The following CSMD1 variants were observed in gnomAD, a reference collection of about 807,000 sequenced individuals.
The protein encoded by CSMD1 is CUB and Sushi multiple domains 1.
CSMD1 carries 213 observed loss-of-function variants against 417.5 expected under a neutral mutation model. The observed-to-expected ratio is 0.51, with a 90% confidence interval of 0.46 to 0.57. The LOEUF (loss-of-function observed/expected upper bound fraction) is 0.57, where lower values mean the gene tolerates loss of function less well. Among genes scored for constraint, CSMD1 ranks in the 20% least tolerant of loss-of-function variants. The pLI is 0.00. For missense variants in CSMD1, 6,923 were observed against 4,529.7 expected (o/e 1.53, Z -15.17); for synonymous variants, 2,862 against 1,736.8 (o/e 1.65, Z -16.11).
At chr8:4,196,226 A>T (rs1376369396) in intron 3 of CSMD1, among the ~76,000 whole-genome samples, 1 of 152,120 alleles carries the variant, frequency 6.6e-6, no homozygotes, top group Non-Finnish European at 1.5e-5. Context: ...TAAATAAATA[A>T]ATAAATAATA....
intron 1 of CSMD1, among the ~76,000 whole-genome samples, chr8:4,863,545 C>T (rs995081170): frequency 6.6e-6 from 1 of 151,946 alleles, no homozygotes; most frequent in Non-Finnish European, 1.5e-5. Context: ...ATTGGTATCC[C>T]ATATTCTCAT....
chr8:4,489,695 G>C (rs765335131), intron 2 of CSMD1, among the ~76,000 whole-genome samples: 4 of 152,188 alleles, frequency 2.6e-5, no homozygotes, highest in Non-Finnish European at 5.9e-5. Context: ...TGGCAGGTGA[G>C]ATTGCAGCAC....
intron 1 of CSMD1, among the ~76,000 whole-genome samples, chr8:4,802,352 CGTGTGTGTGT>C (rs34030430): frequency 4.1e-5 from 6 of 146,408 alleles, no homozygotes; most frequent in African/African-American, 1.5e-4. Flanking sequence ...TGTGTGCGCG[CGTGTGTGTGT>C]GTGTGTGTGT....
intron 7 of CSMD1, among the ~76,000 whole-genome samples, chr8:3,688,373 G>A (rs1001727688): frequency 3.3e-5 from 5 of 152,138 alleles, no homozygotes; most frequent in African/African-American, 1.2e-4. Context: ...TATTTATAAA[G>A]GAGGAATTGA....
At chr8:4,766,765 G>T (rs755034521) in intron 1 of CSMD1, among the ~76,000 whole-genome samples, 2 of 152,110 alleles carry the variant, frequency 1.3e-5, no homozygotes, top group Non-Finnish European at 2.9e-5. Flanking sequence ...GATTTATGAA[G>T]GTTTGTACGC....
chr8:3,559,213 T>G (rs977134889), intron 10 of CSMD1, among the ~76,000 whole-genome samples: 1 of 152,224 alleles, frequency 6.6e-6, no homozygotes, highest in African/African-American at 2.4e-5. Flanking sequence ...TATCAATATT[T>G]CAAATGTGCA....
In CSMD1 at chr8:2,955,602, C is replaced by A. The variant is rs147768119; in HGVS notation, c.9981G>T (p.Ser3327=). The change falls in exon 64 of 70, where the codon TCG becomes TCT. Residue 3327 remains serine, a synonymous_variant. Transcript: ENST00000635120. ...TCAATGACTTACTTTTACACACAGG[C>A]GACTTTCCTGTCCATTTCATGTCTG... The part of the protein sequence containing the change: ...CKADMKWTGK[S]PVCKSKGVRE... 2 of 1,613,520 alleles carry A rather than the reference C, an allele frequency of 1.2e-6. No homozygotes were observed. The highest frequency in any genetic ancestry group is 1.7e-6 in the Non-Finnish European group (2 of 1,179,638).
At chr8:4,180,150 C>G (rs1181394831) in intron 3 of CSMD1, among the ~76,000 whole-genome samples, 3 of 152,086 alleles carry the variant, frequency 2.0e-5, no homozygotes, top group African/African-American at 4.8e-5. Flanking sequence ...CGGCACTATT[C>G]ACGACAGCAA....
intron 4 of CSMD1, among the ~76,000 whole-genome samples, chr8:4,007,684 T>TC (rs145035987): frequency 0.081 from 12,315 of 152,218 alleles, 576 homozygotes; most frequent in Middle Eastern, 0.13. Flanking sequence ...TCCTCTTTTT[T>TC]TTTTTCATGC....
rs549937824 is a variant in CSMD1 at position 4,240,050 on chromosome 8, T to C, written c.415+179903A>G. ...CACATATTTCTTGACAAGAAAATCA[T>C]GCATTTTTATTACTCAATTAAGCTT... On this transcript the variant is annotated intron_variant, in intron 3 of 69. Coordinates refer to ENST00000635120, the MANE Select transcript of CSMD1 (RefSeq NM_033225.6). 1.7e-3 allele frequency among the ~76,000 whole-genome samples: 263 copies of C among 152,334 alleles called. 4 individuals are homozygous for C. Among genetic ancestry groups the C allele is most frequent in the Admixed American group, 0.017 (253 of 15,304 alleles).
chr8:4,745,672 T>A (rs896423111), intron 1 of CSMD1, among the ~76,000 whole-genome samples: 1 of 152,106 alleles, frequency 6.6e-6, no homozygotes, highest in Non-Finnish European at 1.5e-5. Context: ...AAAACACAGA[T>A]TTTAAGCTTT....
At position 3,153,097 on chromosome 8, in the gene CSMD1, T is replaced by A. The variant is rs574219664; in HGVS notation, c.5915-1584A>T. Among the ~76,000 whole-genome samples the A allele has an allele frequency of 2.0e-5, 3 of 152,216 alleles. No homozygotes were observed. The South Asian group carries it at 6.2e-4, about 32-fold the overall frequency. ...GTCAGTACAAAATACAGGTCACAAA[T>A]ACCTTGCTGACAAAACAGGCTGCAG... On this transcript the variant is annotated intron_variant, in intron 39 of 69. Coordinates refer to ENST00000635120, the MANE Select transcript of CSMD1 (RefSeq NM_033225.6).
At chr8:4,294,467 T>C (rs767321864) in intron 3 of CSMD1, among the ~76,000 whole-genome samples, 4 of 152,142 alleles carry the variant, frequency 2.6e-5, no homozygotes, top group Non-Finnish European at 4.4e-5. Flanking sequence ...ATGATCTAAA[T>C]CACTGATCTC....
At chr8:3,757,813 C>T (rs1240225007) in intron 5 of CSMD1, among the ~76,000 whole-genome samples, 7 of 151,858 alleles carry the variant, frequency 4.6e-5, no homozygotes, top group African/African-American at 7.3e-5. Flanking sequence ...CACACCATCA[C>T]ACTCCAGCCT....
chr8:3,156,107 T>A (rs1205529332), intron 39 of CSMD1, among the ~76,000 whole-genome samples: 1 of 152,218 alleles, frequency 6.6e-6, no homozygotes, highest in Non-Finnish European at 1.5e-5. Context: ...AGAATGTGAA[T>A]AGCTCCCAGG....
chr8:4,917,430 C>A (rs976514246), intron 1 of CSMD1, among the ~76,000 whole-genome samples: 1 of 152,076 alleles, frequency 6.6e-6, no homozygotes, highest in Admixed American at 6.6e-5. Flanking sequence ...GTCAGGAGAT[C>A]GAGACCACCC....
At chr8:4,032,125 A>G (rs770895688) in intron 3 of CSMD1, 26 bp from the exon 4 acceptor site, 1 of 1,558,744 alleles carries the variant, frequency 6.4e-7, no homozygotes, top group Admixed American at 1.8e-5. Flanking sequence ...AAGAAAGGAG[A>G]AAAAACAAGT....
chr8:3,565,216 A>ATAGATAGATAGATAGATAGATG (rs1563159005), intron 10 of CSMD1, among the ~76,000 whole-genome samples: 1 of 138,686 alleles, frequency 7.2e-6, no homozygotes, highest in African/African-American at 2.5e-5. Context: ...ATAGATAGAG[A>ATAGATAGATAGATAGATAGATG]GATAGACAGA....
intron 25 of CSMD1, among the ~76,000 whole-genome samples, chr8:3,285,705 T>C (rs1477851282): frequency 6.6e-6 from 1 of 152,024 alleles, no homozygotes; most frequent in Non-Finnish European, 1.5e-5. Flanking sequence ...AGACCAGAAC[T>C]TTTTATAAAA....
Sources: allele counts gnomAD v4.1 joint callset (sites outside exome capture counted in the v4.1 genomes callset), GRCh38; gene constraint gnomAD v4.1.1; transcripts MANE v1.5; gene names NCBI Gene and HGNC (gene_info 2026-07-23, HGNC 2026-07-21).